The following DISP1 variants were observed in gnomAD, a reference collection of about 807,000 sequenced individuals.
DISP1 encodes protein dispatched homolog 1.
DISP1 carries 30 observed loss-of-function variants against 37.3 expected under a neutral mutation model. The ratio of observed to expected loss-of-function variants is 0.80; its 90% CI spans 0.60 to 1.09. The LOEUF is 1.09. Among genes scored for constraint, DISP1 ranks in the 50% least tolerant of loss-of-function variants. DISP1 has a pLI of 0.00. For missense variants in DISP1, 1,598 were observed against 1,879.5 expected (o/e 0.85, Z 2.77); for synonymous variants, 634 against 690.2 (o/e 0.92, Z 1.28).
At chr1:222,963,166 G>A (rs1676190041) in intron 3 of DISP1, among the ~76,000 whole-genome samples, 1 of 152,106 alleles carries the variant, frequency 6.6e-6, no homozygotes, top group African/African-American at 2.4e-5. Context: ...CAAGAAACAT[G>A]AGAAAAGACT....
intron 3 of DISP1, chr1:222,979,479 T>C (rs113100343): frequency 2.4e-5 from 7 of 293,144 alleles, no homozygotes; most frequent in African/African-American, 8.8e-5. Flanking sequence ...GCATAACTCA[T>C]GAAAGTACTG....
intron 1 of DISP1, among the ~76,000 whole-genome samples, chr1:222,852,900 G>A (rs531688371): frequency 1.3e-5 from 2 of 151,874 alleles, no homozygotes; most frequent in African/African-American, 4.8e-5. Context: ...CTGGCATATG[G>A]GGGGCTCTGG....
chr1:222,995,497 G>A (rs926175989), intron 8 of DISP1, among the ~76,000 whole-genome samples: 6 of 152,170 alleles, frequency 3.9e-5, no homozygotes, highest in African/African-American at 1.2e-4. Context: ...CTATGTAAAT[G>A]ACCACAGTAA....
intron 2 of DISP1, among the ~76,000 whole-genome samples, chr1:222,929,213 T>A (rs764850504): frequency 2.0e-5 from 3 of 148,316 alleles, no homozygotes; most frequent in Non-Finnish European, 2.9e-5. Context: ...ACTACAATAG[T>A]GACTGCATAT....
At chr1:222,865,068 CGTG>C (rs1558300208) in intron 1 of DISP1, among the ~76,000 whole-genome samples, 1 of 151,244 alleles carries the variant, frequency 6.6e-6, no homozygotes, top group East Asian at 1.9e-4. Flanking sequence ...CCTCAGGAAA[CGTG>C]GTATATTTTT....
chr1:222,841,169 A>G (rs1667594919), intron 1 of DISP1, among the ~76,000 whole-genome samples: 1 of 151,718 alleles, frequency 6.6e-6, no homozygotes, highest in African/African-American at 2.4e-5. Flanking sequence ...TCATCTGTAA[A>G]TTTTTCTTTT....
chr1:222,901,628 A>G (rs1671591275), intron 1 of DISP1, among the ~76,000 whole-genome samples: 1 of 152,120 alleles, frequency 6.6e-6, no homozygotes, highest in African/African-American at 2.4e-5. Flanking sequence ...CTCGGATTCA[A>G]GCGGTTCTCC....
At chr1:222,907,030 C>A (rs1238253748) in intron 1 of DISP1, among the ~76,000 whole-genome samples, 1 of 152,110 alleles carries the variant, frequency 6.6e-6, no homozygotes, top group African/African-American at 2.4e-5. Context: ...ATAGCAAGTA[C>A]TTCATAAATA....
chr1:222,989,084 C>T (rs975461526), intron 4 of DISP1, among the ~76,000 whole-genome samples: 4 of 151,762 alleles, frequency 2.6e-5, no homozygotes, highest in Non-Finnish European at 5.9e-5. Flanking sequence ...AAAGCCAGAT[C>T]AATAAAGTTA....
intron 1 of DISP1, among the ~76,000 whole-genome samples, chr1:222,888,678 T>C (rs1006016101): frequency 6.6e-6 from 1 of 152,116 alleles, no homozygotes; most frequent in Non-Finnish European, 1.5e-5. Flanking sequence ...AAAATTTTTA[T>C]TTTCTCCCAC....
chr1:223,002,301 T>C, intron 8 of DISP1, 84 bp from the exon 9 acceptor site: 3 of 1,248,972 alleles, frequency 2.4e-6, no homozygotes. Flanking sequence ...TCCCTCAAGA[T>C]CACCTTAGTG....
chr1:222,884,245 C>T (rs947922062), intron 1 of DISP1, among the ~76,000 whole-genome samples: 1 of 151,974 alleles, frequency 6.6e-6, no homozygotes, highest in Non-Finnish European at 1.5e-5. Context: ...TTCCTGGGTT[C>T]CCAGCTTTTC....
chr1:222,870,722 T>G (rs1335893626), intron 1 of DISP1, among the ~76,000 whole-genome samples: 2 of 152,250 alleles, frequency 1.3e-5, no homozygotes, highest in African/African-American at 4.8e-5. Flanking sequence ...TGCAAAAATT[T>G]TCTCCCATTC....
chr1:222,979,256 C>T (rs1473162193), intron 3 of DISP1, among the ~76,000 whole-genome samples: 2 of 152,000 alleles, frequency 1.3e-5, no homozygotes, highest in African/African-American at 4.8e-5. Context: ...AATAAAAAAT[C>T]TAAAAAATTA....
rs1291133030 is a variant in DISP1 at position 223,003,814 on chromosome 1, G to A, written c.2417G>A (p.Ser806Asn). 4.3e-6 allele frequency: 7 copies of A among 1,614,082 alleles called. No homozygotes were observed. The highest frequency in any genetic ancestry group is 5.9e-6 in the Non-Finnish European group (7 of 1,180,044). The change falls in exon 9 of 9, where the codon AGT becomes AAT. Residue 806 changes from serine to asparagine, a missense_variant. Coordinates refer to ENST00000675850, the MANE Select transcript of DISP1 (RefSeq NM_001377229.1). This position sits in a 1 kb window ranked among gnomAD's most constrained non-coding sequence, Gnocchi z 4.3. ...EDNGNPLNPK[S>N]KGKLTLDSSF... ...AATGGCAACCCACTAAATCCCAAGA[G>A]TAAAGGGAAGTTGACATTAGATAGC...
chr1:222,867,109 T>C (rs1234162142), intron 1 of DISP1, among the ~76,000 whole-genome samples: 1 of 152,220 alleles, frequency 6.6e-6, no homozygotes, highest in Non-Finnish European at 1.5e-5. Context: ...AGCTATTGAA[T>C]GAATCAATGA....
At chr1:222,960,840 C>A (rs1248321293) in intron 3 of DISP1, among the ~76,000 whole-genome samples, 1 of 152,122 alleles carries the variant, frequency 6.6e-6, no homozygotes, top group Middle Eastern at 3.4e-3. Flanking sequence ...ATAAACACCT[C>A]TACACAAATA....
At chr1:222,886,469 A>C (rs1287203433) in intron 1 of DISP1, among the ~76,000 whole-genome samples, 4 of 152,180 alleles carry the variant, frequency 2.6e-5, no homozygotes, top group African/African-American at 9.7e-5. Flanking sequence ...AGCTCCACTG[A>C]CTCTATGAAG....
chr1:223,005,465 C>G lies in DISP1; in HGVS notation c.4068C>G (p.Phe1356Leu). ...GMQNSLPRNF[F>L]LHPVQHIQAQ... ...AGAATTCTCTGCCTAGGAATTTTTT[C>G]CTCCACCCAGTGCAGCACATTCAGG... is the stretch of plus-strand genomic sequence containing the variant. The change falls in exon 9 of 9, where the codon TTC becomes TTG. Residue 1356 changes from phenylalanine to leucine, a missense_variant. Coordinates refer to ENST00000675850, the MANE Select transcript of DISP1 (RefSeq NM_001377229.1). 1 of 1,613,686 alleles carries G rather than the reference C, an allele frequency of 6.2e-7. No individual in the cohort carries two copies. The highest frequency in any genetic ancestry group is 8.5e-7 in the Non-Finnish European group (1 of 1,180,012).
Sources: allele counts gnomAD v4.1 joint callset (sites outside exome capture counted in the v4.1 genomes callset), GRCh38; gene constraint gnomAD v4.1.1; non-coding constraint Gnocchi (gnomAD v3.1); transcripts MANE v1.5; gene names NCBI Gene and HGNC (gene_info 2026-07-23, HGNC 2026-07-21).